METTL3: variants seen among roughly 807,000 people sequenced by gnomAD.
METTL3 encodes methyltransferase 3, N6-adenosine-methyltransferase complex catalytic subunit.
A neutral mutation model predicts 64.3 loss-of-function variants in METTL3; 42 were observed. The observed-to-expected ratio is 0.65, with a 90% CI of 0.51 to 0.84. The LOEUF is 0.84. Among genes scored for constraint, METTL3 ranks in the 40% least tolerant of loss-of-function variants. METTL3 has a pLI of 0.00. For missense variants in METTL3, 435 were observed against 722.3 expected (o/e 0.60, Z 4.56); for synonymous variants, 256 against 263.6 (o/e 0.97, Z 0.28).
chr14:21,502,807 C>A (rs1308032006), intron 3 of METTL3: 1 of 195,108 alleles, frequency 5.1e-6, no homozygotes, highest in Non-Finnish European at 1.1e-5. Flanking sequence ...ATTTGGATTC[C>A]TCTTCTCTTG....
At position 21,506,055 on chromosome 14, in the gene METTL3, GT is replaced by G. The variant is rs769534006; in HGVS notation, c.101-2175del. ...TATAGTTTGTTTCCATTAAAATAAA[GT>G]TTTTTTTTTTGAGACGGAGTCTTGC... On this transcript the variant is annotated intron_variant, in intron 1 of 10. Coordinates refer to ENST00000298717, the MANE Select transcript of METTL3 (RefSeq NM_019852.5). Among the ~76,000 whole-genome samples, 1,117 of 146,832 alleles carry G rather than the reference GT, an allele frequency of 7.6e-3. 8 individuals carry two copies. Among genetic ancestry groups the G allele is most frequent in the Non-Finnish European group, 0.011 (752 of 66,266 alleles).
Position 21,505,767 on chromosome 14 carries a change from T to C in METTL3, c.101-1886A>G, listed in dbSNP as rs1891682161. Among the ~76,000 whole-genome samples, 3 of 152,360 alleles carry C rather than the reference T, an allele frequency of 2.0e-5. No homozygotes were observed. In the South Asian group the frequency reaches 6.2e-4, roughly 32 times the overall value. ...ATAAGGTATTTATTCATTTATTTAT[T>C]CAACACATTTACTCAATGCCTCCGC... On this transcript the variant is annotated intron_variant, in intron 1 of 10. Transcript: ENST00000298717.
At chr14:21,508,297 A>G (rs1484281058) in intron 1 of METTL3, 3 of 152,168 alleles carry the variant, frequency 2.0e-5, no homozygotes, top group Non-Finnish European at 4.4e-5. Context: ...GGTCTTAGCT[A>G]TATTACTAGC....
chr14:21,504,069 A>T, intron 1 of METTL3, 188 bp from the exon 2 acceptor site: 1 of 588,790 alleles, frequency 1.7e-6, no homozygotes, highest in Non-Finnish European at 3.0e-6. Context: ...TGTCAAGATA[A>T]TACTGGATTT....
intron 1 of METTL3, chr14:21,508,385 G>A (rs1891750714): frequency 6.6e-6 from 1 of 151,984 alleles, no homozygotes; most frequent in South Asian, 2.1e-4. Flanking sequence ...GTACATGCAG[G>A]GAGAATACAG....
chr14:21,500,741 G>A, intron 5 of METTL3, 59 bp from the exon 6 acceptor site: 1 of 1,537,598 alleles, frequency 6.5e-7, no homozygotes, highest in Non-Finnish European at 8.8e-7. Flanking sequence ...CATGGCCCGA[G>A]TCCCTCTTTT....
rs1305564832 is a variant in METTL3 at position 21,511,233 on chromosome 14, C to G, written c.-10G>C. On this transcript the variant is annotated 5_prime_UTR_variant, in exon 1 of 11. Coordinates refer to ENST00000298717, the MANE Select transcript of METTL3 (RefSeq NM_019852.5). ...TCCACGTGTCCGACATCCTAGTCTC[C>G]CAGCCCTGACACCTCTCGAATAAGG... 1.2e-6 allele frequency: 2 copies of G among 1,612,382 alleles called. No individual in the cohort carries two copies. Among genetic ancestry groups the G allele is most frequent in the African/African-American group, 1.3e-5 (1 of 74,950 alleles).
chr14:21,501,236 T>C (rs1245929840), intron 4 of METTL3, 107 bp from the exon 5 acceptor site: 2 of 824,700 alleles, frequency 2.4e-6, no homozygotes, highest in Non-Finnish European at 3.8e-6. Flanking sequence ...CCCCTAATTC[T>C]ATCATTAGAG....
chr14:21,510,563 A>C (rs1462802467), intron 1 of METTL3: 1 of 152,260 alleles, frequency 6.6e-6, no homozygotes, highest in Non-Finnish European at 1.5e-5. Context: ...TGGAAACCAA[A>C]CACAAATGTT....
Position 21,499,365 on chromosome 14 carries a change from C to T in METTL3, c.1459G>A (p.Val487Ile), listed in dbSNP as rs2139639034. The T allele has an allele frequency of 2.5e-6, 4 of 1,614,154 alleles. No homozygotes were observed. Among genetic ancestry groups the T allele is most frequent in the Non-Finnish European group, 3.4e-6 (4 of 1,180,018 alleles). The change falls in exon 9 of 11, where the codon GTC becomes ATC. Residue 487 changes from valine to isoleucine, a missense_variant. Transcript: ENST00000298717. ...TTGAAGCCTTGGGGATTTCCTTTGA[C>T]ACCAACCTGCTCACCACAGATAACA... is the stretch of plus-strand genomic sequence containing the variant. ...NHGKEHCLVG[V>I]KGNPQGFNQG...
Position 21,498,335 on chromosome 14 carries a change from G to A in METTL3, c.1666C>T (p.Leu556=), listed in dbSNP as rs767044308. Residue 556 remains leucine, a synonymous_variant, in exon 11 of 11, where the codon CTA becomes TTA. Transcript: ENST00000298717. Reference sequence around the variant, plus strand: ...CGTGCAACCACATCTGGGTCTAGTAGGTGGATCCCATCCAGTTGGTTTCCA... The same window carrying A: ...CGTGCAACCACATCTGGGTCTAGTAAGTGGATCCCATCCAGTTGGTTTCCA... ...TLGNQLDGIH[L]LDPDVVARFK... 6.2e-7 allele frequency: 1 copy of A among 1,614,144 alleles called. No homozygotes were observed. The highest frequency in any genetic ancestry group is 8.5e-7 in the Non-Finnish European group (1 of 1,180,026).
At chr14:21,505,094 G>C (rs1594443176) in intron 1 of METTL3, among the ~76,000 whole-genome samples, 1 of 152,278 alleles carries the variant, frequency 6.6e-6, no homozygotes, top group East Asian at 1.9e-4. Flanking sequence ...CTTGAGCCCA[G>C]GAGTTCCAGA....
intron 10 of METTL3, chr14:21,498,663 G>A: frequency 2.0e-6 from 1 of 492,866 alleles, no homozygotes; most frequent in South Asian, 2.7e-5. Flanking sequence ...CAAAATGCTA[G>A]CAGCATGTGT....
chr14:21,498,689 G>T, intron 10 of METTL3: 1 of 474,092 alleles, frequency 2.1e-6, no homozygotes, highest in Non-Finnish European at 3.8e-6. Context: ...GCTCTGTTAA[G>T]GGGTGAAAGA....
chr14:21,500,994 T>C lies in METTL3; in HGVS notation c.1035A>G (p.Lys345=). The change falls in exon 5 of 11, where the codon AAA becomes AAG. Residue 345 remains lysine, a synonymous_variant. Coordinates refer to ENST00000298717, the MANE Select transcript of METTL3 (RefSeq NM_019852.5). The part of the protein sequence containing the change: ...ACMDSEAPGS[K]DHTPSQELAL... ...CAAGCTCCTGGCTTGGCGTGTGGTC[T>C]TTGCTGCCAGGGGCCTCAGAATCCA... The C allele has an allele frequency of 6.2e-7, 1 of 1,614,142 alleles. No homozygotes were observed. Among genetic ancestry groups the C allele is most frequent in the Non-Finnish European group, 8.5e-7 (1 of 1,180,020 alleles).
At chr14:21,507,010 A>G (rs373248345) in intron 1 of METTL3, among the ~76,000 whole-genome samples, 1 of 152,028 alleles carries the variant, frequency 6.6e-6, no homozygotes. Flanking sequence ...TGAACTCCTG[A>G]CCTCAGGTGA....
intron 5 of METTL3, 107 bp downstream of exon 5, chr14:21,500,806 T>C: frequency 7.0e-7 from 1 of 1,418,588 alleles, no homozygotes; most frequent in Non-Finnish European, 9.6e-7. Flanking sequence ...CCATTCCCAA[T>C]AAGCAAGACA....
rs765821188 is a variant in METTL3 at position 21,499,094 on chromosome 14, A to G, written c.1562T>C (p.Ile521Thr). ...SHKPDEIYGM[I>T]ERLSPGTRKI... Reference sequence around the variant, plus strand: ...GCGAGTGCCAGGAGATAGTCTTTCAATCATGCCATAGATTTCATCTGGTTT... The same window carrying G: ...GCGAGTGCCAGGAGATAGTCTTTCAGTCATGCCATAGATTTCATCTGGTTT... The change falls in exon 10 of 11, where the codon ATT becomes ACT. Residue 521 changes from isoleucine to threonine, a missense_variant. Coordinates refer to ENST00000298717, the MANE Select transcript of METTL3 (RefSeq NM_019852.5). 7 of 1,614,172 alleles carry G rather than the reference A, an allele frequency of 4.3e-6. No individual in the cohort carries two copies. Among genetic ancestry groups the G allele is most frequent in the South Asian group, 2.2e-5 (2 of 91,084 alleles).
Position 21,511,162 on chromosome 14 carries a change from CT to C in METTL3, c.61del (p.Arg21GlyfsTer52). The C allele has an allele frequency of 6.2e-7, 1 of 1,614,148 alleles. No homozygotes were observed. The highest frequency in any genetic ancestry group is 8.5e-7 in the Non-Finnish European group (1 of 1,180,024). ...HKKQLDSLRERLQRRRKQDSG... is the reference protein window; with the variant it reads ...HKKQLDSLREXLQRRRKQDSG... Reference sequence around the variant, plus strand: ...GTCCTGCTTCCGCCTCCGCTGCAGCCTCTCCCGCAGAGAGTCCAGCTGCTTC... The same window carrying C: ...GTCCTGCTTCCGCCTCCGCTGCAGCCCTCCCGCAGAGAGTCCAGCTGCTTC... On this transcript the variant is annotated frameshift_variant, in exon 1 of 11. Transcript: ENST00000298717. LOFTEE classifies it high-confidence loss of function.
Sources: allele counts gnomAD v4.1 joint callset (sites outside exome capture counted in the v4.1 genomes callset), GRCh38; gene constraint gnomAD v4.1.1; transcripts MANE v1.5; gene names NCBI Gene and HGNC (gene_info 2026-07-23, HGNC 2026-07-21).